Variants in LRRC37A2 observed in about 807,000 individuals in gnomAD.
The protein encoded by LRRC37A2 is leucine-rich repeat-containing protein 37A2.
A neutral mutation model predicts 68.8 loss-of-function variants in LRRC37A2; 9 were observed. The ratio of observed to expected loss-of-function variants is 0.13; its 90% confidence interval spans 0.08 to 0.23. LRRC37A2 has a LOEUF of 0.23. LRRC37A2 is among the 10% of genes least tolerant of loss of function. The probability of loss-of-function intolerance (pLI) is 1.00; values close to 1 mark genes in which losing one functional copy is unlikely to be tolerated. For missense variants in LRRC37A2, 168 were observed against 950.4 expected (o/e 0.18, Z 10.82); for synonymous variants, 63 against 367.6 (o/e 0.17, Z 9.48).
the LRRC37A2 span, chr17:46,768,348 C>T: frequency 3.7e-6 from 6 of 1,613,778 alleles, no homozygotes; most frequent in East Asian, 2.2e-5. The surrounding 1 kb of genome is among the most constrained non-coding windows in gnomAD (Gnocchi z 5.0). Context: ...GTCGTAGATG[C>T]GAATACACTC....
the LRRC37A2 span, among the ~76,000 whole-genome samples, chr17:46,851,984 T>C: frequency 6.6e-6 from 1 of 152,006 alleles, no homozygotes; most frequent in Non-Finnish European, 1.5e-5. This position sits in a 1 kb window ranked among gnomAD's most constrained non-coding sequence, Gnocchi z 4.3. Context: ...TCCCGCCGGG[T>C]CTCGGACTCT....
chr17:46,499,339 G>A, the LRRC37A2 span, among the ~76,000 whole-genome samples: 13 of 139,488 alleles, frequency 9.3e-5, 2 homozygotes, highest in African/African-American at 2.2e-4. Flanking sequence ...AAAAAAAGGT[G>A]GGGGGACAAT....
the LRRC37A2 span, chr17:46,756,110 G>A: frequency 9.4e-5 from 34 of 363,542 alleles, no homozygotes; most frequent in Non-Finnish European, 1.7e-4. Context: ...GAACCATCCA[G>A]TACTTGTGGA....
At chr17:46,748,244 T>C in the LRRC37A2 span, among the ~76,000 whole-genome samples, 2 of 152,112 alleles carry the variant, frequency 1.3e-5, no homozygotes, top group Admixed American at 1.3e-4. Context: ...CCCAAGTAGC[T>C]GGGATTACAG....
At chr17:47,030,085 AATAATCATCATC>A in the LRRC37A2 span, among the ~76,000 whole-genome samples, 927 of 49,512 alleles carry the variant, frequency 0.019, 14 homozygotes, top group African/African-American at 0.035. Context: ...TAATAATAAT[AATAATCATCATC>A]ATCATCATCA....
chr17:46,720,306 C>G, the LRRC37A2 span, among the ~76,000 whole-genome samples: 2 of 152,028 alleles, frequency 1.3e-5, no homozygotes, highest in Non-Finnish European at 2.9e-5. Context: ...TACACTGTGT[C>G]TTTTGGCATT....
the LRRC37A2 span, among the ~76,000 whole-genome samples, chr17:46,757,845 A>G: frequency 6.6e-6 from 1 of 151,952 alleles, no homozygotes; most frequent in African/African-American, 2.4e-5. Flanking sequence ...AATGCAAAAA[A>G]CAGCCGGGTG....
At chr17:46,968,882 C>T in the LRRC37A2 span, 1 of 152,350 alleles carries the variant, frequency 6.6e-6, no homozygotes, top group Non-Finnish European at 1.5e-5. Context: ...TGTAATTGGT[C>T]TGGGGTGCAA....
At chr17:46,743,294 A>G in the LRRC37A2 span, among the ~76,000 whole-genome samples, 3 of 152,128 alleles carry the variant, frequency 2.0e-5, no homozygotes, top group African/African-American at 4.8e-5. Context: ...ACCTAACCGT[A>G]TGGATTCCTG....
At chr17:46,580,534 G>GA in the LRRC37A2 span, among the ~76,000 whole-genome samples, 5 of 49,460 alleles carry the variant, frequency 1.0e-4, no homozygotes, top group Non-Finnish European at 1.5e-4. Context: ...CCCCATCTCT[G>GA]CAAAAAAAAA....
At chr17:46,927,272 C>T in the LRRC37A2 span, among the ~76,000 whole-genome samples, 2 of 151,974 alleles carry the variant, frequency 1.3e-5, no homozygotes, top group Admixed American at 6.5e-5. Context: ...TATATATTTT[C>T]TGCACGTCAA....
At chr17:46,768,596 C>A in the LRRC37A2 span, 4 of 1,614,168 alleles carry the variant, frequency 2.5e-6, no homozygotes, top group Non-Finnish European at 3.4e-6. This position sits in a 1 kb window ranked among gnomAD's most constrained non-coding sequence, Gnocchi z 5.0. Context: ...GCTTGAAGAG[C>A]GAGTACTTGG....
the LRRC37A2 span, chr17:46,931,371 A>T: frequency 1.4e-5 from 9 of 647,414 alleles, no homozygotes; most frequent in East Asian, 2.2e-4. Flanking sequence ...TATCTGAGTG[A>T]TGCCGCTCAA....
chr17:46,815,702 C>T, the LRRC37A2 span, among the ~76,000 whole-genome samples: 1 of 152,140 alleles, frequency 6.6e-6, no homozygotes, highest in African/African-American at 2.4e-5. Context: ...GCCAGTGACT[C>T]TAGTGCCTGG....
At chr17:46,811,199 G>A in the LRRC37A2 span, among the ~76,000 whole-genome samples, 2 of 110,044 alleles carry the variant, frequency 1.8e-5, no homozygotes, top group East Asian at 1.9e-4. Flanking sequence ...AGAACTAGCA[G>A]TGAGGGATTT....
At chr17:46,534,221 A>C in intron 6 of LRRC37A2, among the ~76,000 whole-genome samples, 1 of 146,820 alleles carries the variant, frequency 6.8e-6, no homozygotes, top group East Asian at 2.0e-4. Context: ...TTTTTTATTG[A>C]TCATTCTTGG....
the LRRC37A2 span, among the ~76,000 whole-genome samples, chr17:46,758,511 A>G: frequency 6.6e-6 from 1 of 152,242 alleles, no homozygotes; most frequent in African/African-American, 2.4e-5. Context: ...CTATAGGCGA[A>G]TTGTTAACCG....
the LRRC37A2 span, among the ~76,000 whole-genome samples, chr17:46,848,454 C>T: frequency 6.6e-6 from 1 of 152,198 alleles, no homozygotes; most frequent in Non-Finnish European, 1.5e-5. Context: ...TTCAGGAGCC[C>T]ACAGGGCAGA....
At chr17:46,936,965 TAAA>T in the LRRC37A2 span, 47 of 196,258 alleles carry the variant, frequency 2.4e-4, no homozygotes, top group Non-Finnish European at 4.0e-4. Context: ...GTGTATTTAT[TAAA>T]AAAAAAAAAA....
Sources: gnomAD v4.1 joint callset for allele counts (sites outside exome capture counted in the v4.1 genomes callset) on GRCh38, gnomAD v4.1.1 for gene constraint, Gnocchi (gnomAD v3.1) non-coding constraint, MANE v1.5 for transcripts, NCBI Gene and HGNC (gene_info 2026-07-23, HGNC 2026-07-21) for gene names.